EEFSEC: variants seen among roughly 807,000 people sequenced by gnomAD.
EEFSEC encodes the protein selenocysteine-specific elongation factor.
Under a neutral mutation model 42.1 loss-of-function variants are expected in EEFSEC, and 43 were observed. That is an observed-to-expected ratio of 1.02 (90% CI 0.80 to 1.32). EEFSEC has a LOEUF of 1.32. Among genes scored for constraint, EEFSEC ranks in the 40% most tolerant of loss-of-function variants. EEFSEC has a pLI of 0.00. For synonymous variants in EEFSEC, 354 were observed against 339.1 expected (o/e 1.04, Z -0.48); for missense variants, 745 against 803.6 (o/e 0.93, Z 0.88).
chr3:128,374,081 C>A (rs573509592), intron 6 of EEFSEC, among the ~76,000 whole-genome samples: 21 of 152,328 alleles, frequency 1.4e-4, no homozygotes, highest in African/African-American at 5.1e-4. Flanking sequence ...CATGCAAGGG[C>A]AGTGCTGATG....
chr3:128,163,550 A>T (rs1018911654), intron 1 of EEFSEC, among the ~76,000 whole-genome samples: 5 of 152,060 alleles, frequency 3.3e-5, no homozygotes, highest in African/African-American at 1.2e-4. Flanking sequence ...ACATACCATA[A>T]AATTCACCCA....
At chr3:128,252,097 C>T (rs571535808) in intron 2 of EEFSEC, among the ~76,000 whole-genome samples, 1 of 152,272 alleles carries the variant, frequency 6.6e-6, no homozygotes, top group South Asian at 2.1e-4. Flanking sequence ...TACATCATTC[C>T]CCCAGACTCC....
intron 4 of EEFSEC, among the ~76,000 whole-genome samples, chr3:128,295,570 A>G (rs1385988976): frequency 1.4e-5 from 2 of 148,110 alleles, no homozygotes; most frequent in African/African-American, 2.5e-5. Flanking sequence ...AAACAATTCC[A>G]GGGCCTTCCA....
chr3:128,336,217 T>C (rs1197620782), intron 4 of EEFSEC, among the ~76,000 whole-genome samples: 1 of 152,100 alleles, frequency 6.6e-6, no homozygotes, highest in Non-Finnish European at 1.5e-5. Context: ...TCTTTACACA[T>C]CAGCTGTTCT....
the EEFSEC span, among the ~76,000 whole-genome samples, chr3:128,418,571 C>T: frequency 1.3e-5 from 2 of 151,748 alleles, no homozygotes; most frequent in Non-Finnish European, 2.9e-5. Context: ...CATACAGCCA[C>T]AGGGAGCCTG....
intron 4 of EEFSEC, among the ~76,000 whole-genome samples, chr3:128,304,319 A>G (rs868229649): frequency 2.8e-4 from 43 of 152,036 alleles, no homozygotes; most frequent in African/African-American, 9.4e-4. Flanking sequence ...CTTTCTTTCC[A>G]CTTACTTAGA....
At chr3:128,291,668 C>T (rs1199274356) in intron 4 of EEFSEC, among the ~76,000 whole-genome samples, 2 of 152,226 alleles carry the variant, frequency 1.3e-5, no homozygotes, top group African/African-American at 4.8e-5. Context: ...TAGATCCTTG[C>T]TAAAATTTCT....
chr3:128,176,440 T>C (rs1025272907), intron 1 of EEFSEC, among the ~76,000 whole-genome samples: 16 of 151,834 alleles, frequency 1.1e-4, no homozygotes, highest in African/African-American at 3.9e-4. Context: ...AAGAGAAATG[T>C]GGGTGGAGTG....
intron 1 of EEFSEC, among the ~76,000 whole-genome samples, chr3:128,194,113 A>G (rs1391409266): frequency 6.6e-6 from 1 of 152,130 alleles, no homozygotes; most frequent in Non-Finnish European, 1.5e-5. Context: ...TAAGTTTTGC[A>G]CCCCAATTTC....
chr3:128,363,871 A>T (rs751742154), intron 6 of EEFSEC, among the ~76,000 whole-genome samples: 1 of 152,230 alleles, frequency 6.6e-6, no homozygotes, highest in Non-Finnish European at 1.5e-5. Context: ...TGGAGGCCAA[A>T]CAGCCTGGTG....
chr3:128,216,330 G>A (rs2065810637), intron 1 of EEFSEC, among the ~76,000 whole-genome samples: 1 of 152,204 alleles, frequency 6.6e-6, no homozygotes, highest in African/African-American at 2.4e-5. Flanking sequence ...GTGGTTTCAT[G>A]TCCACTAACC....
chr3:128,326,307 G>C (rs2067062933), intron 4 of EEFSEC, among the ~76,000 whole-genome samples: 1 of 152,238 alleles, frequency 6.6e-6, no homozygotes. Context: ...AGCTTGGATT[G>C]CACCTCACAC....
At chr3:128,275,663 C>A (rs2066460579) in intron 4 of EEFSEC, among the ~76,000 whole-genome samples, 2 of 152,226 alleles carry the variant, frequency 1.3e-5, no homozygotes, top group African/African-American at 4.8e-5. Context: ...GGCAAGGCGA[C>A]TGAAGCTGAG....
chr3:128,314,393 G>C (rs2066923362), intron 4 of EEFSEC, among the ~76,000 whole-genome samples: 1 of 151,872 alleles, frequency 6.6e-6, no homozygotes, highest in South Asian at 2.1e-4. Flanking sequence ...ACCCAGGCTG[G>C]AGTGCCATGG....
chr3:128,268,211 G>T (rs529644916), intron 4 of EEFSEC, among the ~76,000 whole-genome samples: 1 of 152,306 alleles, frequency 6.6e-6, no homozygotes, highest in South Asian at 2.1e-4. Flanking sequence ...CTTTTGGAAT[G>T]TTAGAAGTAG....
intron 5 of EEFSEC, among the ~76,000 whole-genome samples, chr3:128,350,172 C>G (rs991281718): frequency 2.0e-5 from 3 of 152,238 alleles, no homozygotes; most frequent in African/African-American, 7.2e-5. Flanking sequence ...TGGCTCCTGG[C>G]TCTGCCCCAC....
At chr3:128,200,332 A>G (rs529958969) in intron 1 of EEFSEC, among the ~76,000 whole-genome samples, 21 of 152,112 alleles carry the variant, frequency 1.4e-4, no homozygotes, top group Non-Finnish European at 2.1e-4. Flanking sequence ...CTTGTTGCCC[A>G]GGCTGGAGTG....
intron 6 of EEFSEC, among the ~76,000 whole-genome samples, chr3:128,375,421 C>G (rs1050728294): frequency 2.6e-5 from 4 of 152,218 alleles, no homozygotes; most frequent in Non-Finnish European, 4.4e-5. Context: ...CCACACCAGG[C>G]ACTATGCTCA....
At chr3:128,205,637 C>T (rs942919777) in intron 1 of EEFSEC, among the ~76,000 whole-genome samples, 6 of 152,230 alleles carry the variant, frequency 3.9e-5, no homozygotes. Flanking sequence ...GTCAGCCTCT[C>T]CCACATTTAC....
Sources: allele counts gnomAD v4.1 joint callset (sites outside exome capture counted in the v4.1 genomes callset), GRCh38; gene constraint gnomAD v4.1.1; transcripts MANE v1.5; gene names NCBI Gene and HGNC (gene_info 2026-07-23, HGNC 2026-07-21).